WWC2: variants seen among roughly 807,000 people sequenced by gnomAD.
WWC2 encodes protein WWC2.
In WWC2, 101 loss-of-function variants were observed where a neutral mutation model predicts 138.5. The observed-to-expected ratio is 0.73, with a 90% CI of 0.62 to 0.86. WWC2 has a LOEUF of 0.86. Ranked by LOEUF, WWC2 falls within the 40% of genes least tolerant of loss-of-function variation. The pLI is 0.00. For missense variants in WWC2, 1,420 were observed against 1,419.4 expected, an observed-to-expected ratio of 1.00 and a Z score of -0.01; for synonymous variants, 558 against 538.4, an observed-to-expected ratio of 1.04 and a Z score of -0.50.
intron 11 of WWC2, 137 bp from the exon 12 acceptor site, chr4:183,264,841 G>C (rs1166207913): frequency 1.0e-6 from 1 of 961,160 alleles, no homozygotes; most frequent in Admixed American, 3.6e-5. Context: ...TACAGCTGTA[G>C]ATTTGAATAT....
chr4:183,113,515 T>TGTGTGCGCGC (rs371819502), intron 1 of WWC2, among the ~76,000 whole-genome samples: 2 of 126,644 alleles, frequency 1.6e-5, no homozygotes, highest in Non-Finnish European at 1.7e-5. Context: ...TGTGTGTGTG[T>TGTGTGCGCGC]GCGCGCGCGT....
At chr4:183,259,190 TATGTTGGAAC>T (rs1737244424) in intron 9 of WWC2, among the ~76,000 whole-genome samples, 1 of 152,242 alleles carries the variant, frequency 6.6e-6, no homozygotes, top group Admixed American at 6.5e-5. Flanking sequence ...CACTAAATAC[TATGTTGGAAC>T]AAGCGTTACT....
At chr4:183,167,118 A>G (rs1212978924) in intron 1 of WWC2, among the ~76,000 whole-genome samples, 2 of 152,196 alleles carry the variant, frequency 1.3e-5, no homozygotes, top group Non-Finnish European at 2.9e-5. Flanking sequence ...TGAGGAACAC[A>G]GAATTTTCAT....
intron 1 of WWC2, among the ~76,000 whole-genome samples, chr4:183,135,735 T>C (rs1733090448): frequency 6.6e-6 from 1 of 152,192 alleles, no homozygotes; most frequent in African/African-American, 2.4e-5. Flanking sequence ...TTTTCAAGTG[T>C]CTTTTGTCAA....
intron 10 of WWC2, 46 bp downstream of exon 10, chr4:183,259,774 A>G (rs763650421): frequency 1.7e-5 from 21 of 1,258,224 alleles, no homozygotes; most frequent in East Asian, 2.5e-5. Flanking sequence ...TCCGAATAGC[A>G]TGTTCTTGTT....
chr4:183,292,744 A>G (rs1738497676), intron 21 of WWC2, among the ~76,000 whole-genome samples: 1 of 152,210 alleles, frequency 6.6e-6, no homozygotes, highest in South Asian at 2.1e-4. Flanking sequence ...GGACACTAGA[A>G]AAAGAGAGAA....
chr4:183,301,445 G>A (rs1738837354), intron 21 of WWC2, among the ~76,000 whole-genome samples: 1 of 150,354 alleles, frequency 6.7e-6, no homozygotes, highest in Non-Finnish European at 1.5e-5. Context: ...AGAGGAAATA[G>A]GGGGCAGTAA....
At chr4:183,176,373 G>A (rs889127071) in intron 1 of WWC2, among the ~76,000 whole-genome samples, 1 of 152,056 alleles carries the variant, frequency 6.6e-6, no homozygotes, top group Admixed American at 6.6e-5. Flanking sequence ...GATTCTTTCA[G>A]TTTGTCTTTT....
rs1402635615 is a variant in WWC2, at chr4:183,319,566, A to T, written c.*3837A>T. 6.2e-7 allele frequency: 1 copy of T among 1,610,518 alleles called. No individual in the cohort carries two copies. The highest frequency in any genetic ancestry group is 8.5e-7 in the Non-Finnish European group (1 of 1,178,298). On this transcript the variant is annotated 3_prime_UTR_variant, in exon 23 of 23. Coordinates refer to ENST00000403733, the MANE Select transcript of WWC2 (RefSeq NM_024949.6). ...CTTGTCCTTTCTGGCTTAGTGTTTC[A>T]GGTTGGTGTTTCTCGTCTCCAGTTC...
intron 1 of WWC2, among the ~76,000 whole-genome samples, chr4:183,190,973 T>TA (rs1363373708): frequency 2.0e-5 from 3 of 152,222 alleles, no homozygotes; most frequent in South Asian, 2.1e-4. Context: ...CACTTAAACT[T>TA]ACCGTTCTCG....
intron 1 of WWC2, among the ~76,000 whole-genome samples, chr4:183,185,326 T>G (rs994323932): frequency 3.3e-5 from 5 of 152,134 alleles, no homozygotes; most frequent in Non-Finnish European, 7.4e-5. Flanking sequence ...AGCACCAACT[T>G]TTTTTTAGCT....
At chr4:183,157,055 A>G (rs903616480) in intron 1 of WWC2, among the ~76,000 whole-genome samples, 1 of 152,124 alleles carries the variant, frequency 6.6e-6, no homozygotes, top group African/African-American at 2.4e-5. Flanking sequence ...TATTTATTCA[A>G]ATTGGGCAAG....
At chr4:183,285,865 A>G in intron 19 of WWC2, 102 bp from the exon 20 acceptor site, 2 of 1,074,498 alleles carry the variant, frequency 1.9e-6, no homozygotes, top group Non-Finnish European at 2.8e-6. Context: ...TAAACTCTTA[A>G]CTATGACTAC....
At position 183,282,688 on chromosome 4, in the gene WWC2, T is replaced by TTG; in HGVS notation, c.2685-18_2685-17dup. On this transcript the variant is annotated intron_variant, in intron 17 of 22. Transcript: ENST00000403733. ...AGCATGCCTGCCTACCAAAAGTGTT[T>TTG]TGTTTTTGTTTTACCATAGGCTAAC... The TTG allele has an allele frequency of 9.0e-6, 14 of 1,555,788 alleles. No individual in the cohort carries two copies. The highest frequency in any genetic ancestry group is 1.2e-5 in the Non-Finnish European group (14 of 1,149,134).
intron 15 of WWC2, among the ~76,000 whole-genome samples, chr4:183,270,196 T>C (rs1454344775): frequency 6.6e-6 from 1 of 152,242 alleles, no homozygotes; most frequent in African/African-American, 2.4e-5. Context: ...TCATATTTAG[T>C]ATAATAGATG....
chr4:183,245,321 T>A, intron 5 of WWC2, 95 bp from the exon 6 acceptor site: 2 of 1,055,832 alleles, frequency 1.9e-6, no homozygotes, highest in Non-Finnish European at 2.4e-6. Flanking sequence ...GAAATAATCA[T>A]CCAACTGAGA....
intron 1 of WWC2, among the ~76,000 whole-genome samples, chr4:183,100,186 A>G (rs1561413523): frequency 6.6e-6 from 1 of 152,150 alleles, no homozygotes; most frequent in Non-Finnish European, 1.5e-5. Flanking sequence ...TTTGCCCCTC[A>G]GAGTTTAAAA....
At chr4:183,206,639 C>T (rs1314977052) in intron 2 of WWC2, among the ~76,000 whole-genome samples, 2 of 152,184 alleles carry the variant, frequency 1.3e-5, no homozygotes, top group Non-Finnish European at 2.9e-5. Context: ...TTTATTTACT[C>T]TGTCCCATTC....
chr4:183,259,581 T>G, intron 9 of WWC2, 58 bp from the exon 10 acceptor site: 2 of 1,261,894 alleles, frequency 1.6e-6, no homozygotes, highest in Middle Eastern at 2.6e-4. Flanking sequence ...AATCTTTCTT[T>G]CCTTTTAGTT....
Sources: allele counts gnomAD v4.1 joint callset (sites outside exome capture counted in the v4.1 genomes callset), GRCh38; gene constraint gnomAD v4.1.1; transcripts MANE v1.5; gene names NCBI Gene and HGNC (gene_info 2026-07-23, HGNC 2026-07-21).